Variants in SPMIP2 observed in about 807,000 individuals in gnomAD.
SPMIP2 encodes the protein protein SPMIP2.
At chr4:159,035,053 C>T in the SPMIP2 span, 1 of 1,612,998 alleles carries the variant, frequency 6.2e-7, no homozygotes, top group Non-Finnish European at 8.5e-7. Context: ...CATTTGTTTT[C>T]CCACAGTAGT....
At chr4:158,966,811 T>C in the SPMIP2 span, among the ~76,000 whole-genome samples, 21 of 152,326 alleles carry the variant, frequency 1.4e-4, no homozygotes, top group Non-Finnish European at 2.4e-4. Context: ...TTTCCTTTTT[T>C]CCCCTAAATT....
chr4:159,064,606 C>G, the SPMIP2 span, among the ~76,000 whole-genome samples: 2 of 152,176 alleles, frequency 1.3e-5, no homozygotes, highest in African/African-American at 4.8e-5. Context: ...TTCATGTTAA[C>G]TTTTCCCCTA....
the SPMIP2 span, among the ~76,000 whole-genome samples, chr4:158,954,902 C>T: frequency 3.3e-5 from 5 of 152,088 alleles, no homozygotes; most frequent in African/African-American, 7.2e-5. Context: ...CATTCTCTTA[C>T]GACCTCTCTT....
the SPMIP2 span, among the ~76,000 whole-genome samples, chr4:158,999,028 G>C: frequency 2.0e-5 from 3 of 151,972 alleles, no homozygotes; most frequent in Admixed American, 6.6e-5. Flanking sequence ...ACTGGGCATG[G>C]TGGCACACAC....
At chr4:159,048,504 A>G in the SPMIP2 span, among the ~76,000 whole-genome samples, 1 of 152,104 alleles carries the variant, frequency 6.6e-6, no homozygotes, top group East Asian at 1.9e-4. Context: ...GCCTTTCCAT[A>G]GGCATTTCTC....
the SPMIP2 span, among the ~76,000 whole-genome samples, chr4:159,074,802 A>G: frequency 3.9e-5 from 6 of 152,318 alleles, no homozygotes; most frequent in African/African-American, 1.4e-4. Context: ...AAGAATTTGT[A>G]TCAACCAGAG....
chr4:158,971,991 C>G, the SPMIP2 span, among the ~76,000 whole-genome samples: 1 of 152,212 alleles, frequency 6.6e-6, no homozygotes, highest in Non-Finnish European at 1.5e-5. Context: ...GGTCACAGAG[C>G]TAGACCTAAA....
At chr4:159,001,519 A>G in the SPMIP2 span, among the ~76,000 whole-genome samples, 1 of 152,036 alleles carries the variant, frequency 6.6e-6, no homozygotes. Context: ...CTCTACCCTC[A>G]AGTAGGCTAT....
At chr4:158,970,208 G>T in the SPMIP2 span, among the ~76,000 whole-genome samples, 1 of 152,132 alleles carries the variant, frequency 6.6e-6, no homozygotes, top group East Asian at 1.9e-4. Flanking sequence ...TGAAGCACAG[G>T]GTTGATAAGG....
the SPMIP2 span, among the ~76,000 whole-genome samples, chr4:159,082,484 T>TGTGTGTGC: frequency 6.6e-6 from 1 of 151,476 alleles, no homozygotes; most frequent in Non-Finnish European, 1.5e-5. Context: ...TGTGTGTGTG[T>TGTGTGTGC]GTGTGTGTGT....
At chr4:159,045,785 C>G in the SPMIP2 span, among the ~76,000 whole-genome samples, 2 of 152,194 alleles carry the variant, frequency 1.3e-5, no homozygotes, top group African/African-American at 2.4e-5. Context: ...GCCTCTGGCT[C>G]AAGATCTCTC....
At chr4:159,046,357 G>A in the SPMIP2 span, among the ~76,000 whole-genome samples, 3 of 152,082 alleles carry the variant, frequency 2.0e-5, 1 homozygote, top group South Asian at 4.1e-4. Context: ...CTGCCCCATC[G>A]TGTTTGCTAG....
At chr4:159,025,029 T>G in the SPMIP2 span, among the ~76,000 whole-genome samples, 1 of 152,220 alleles carries the variant, frequency 6.6e-6, no homozygotes, top group African/African-American at 2.4e-5. Context: ...ATGGTGTAAC[T>G]GAGACACAGA....
the SPMIP2 span, among the ~76,000 whole-genome samples, chr4:158,955,089 A>G: frequency 6.6e-6 from 1 of 152,224 alleles, no homozygotes; most frequent in East Asian, 1.9e-4. Context: ...AAACAAGAGT[A>G]CATTTCCTTT....
At chr4:159,046,020 C>T in the SPMIP2 span, among the ~76,000 whole-genome samples, 26,643 of 152,026 alleles carry the variant, frequency 0.18, 2,723 homozygotes, top group African/African-American at 0.28. Flanking sequence ...AAAGCCGAGG[C>T]GGGCAAATCA....
At chr4:159,013,500 G>A in the SPMIP2 span, among the ~76,000 whole-genome samples, 1 of 152,198 alleles carries the variant, frequency 6.6e-6, no homozygotes, top group South Asian at 2.1e-4. Flanking sequence ...CTTCCTGTCT[G>A]GTAGGAGCCC....
chr4:159,082,760 A>T, the SPMIP2 span, among the ~76,000 whole-genome samples: 1 of 152,174 alleles, frequency 6.6e-6, no homozygotes, highest in Non-Finnish European at 1.5e-5. Flanking sequence ...AATTCAATTC[A>T]ACTACTTACC....
At chr4:158,943,728 T>C in the SPMIP2 span, among the ~76,000 whole-genome samples, 1 of 152,110 alleles carries the variant, frequency 6.6e-6, no homozygotes, top group African/African-American at 2.4e-5. Context: ...TTTTAGTCTC[T>C]GGGAATGAAT....
chr4:159,024,667 C>T, the SPMIP2 span, among the ~76,000 whole-genome samples: 2 of 152,134 alleles, frequency 1.3e-5, no homozygotes, highest in Non-Finnish European at 2.9e-5. Flanking sequence ...TTTTCATCAA[C>T]CAAGATTATG....
Sources: gnomAD v4.1 joint callset for allele counts (sites outside exome capture counted in the v4.1 genomes callset) on GRCh38, gnomAD v4.1.1 for gene constraint, MANE v1.5 for transcripts, NCBI Gene and HGNC (gene_info 2026-07-23, HGNC 2026-07-21) for gene names.